The following RAPGEF4 variants were observed in gnomAD, a reference collection of about 807,000 sequenced individuals.
RAPGEF4 encodes RAP guanine-nucleotide-exchange factor (GEF) 4.
A neutral mutation model predicts 147.9 loss-of-function variants in RAPGEF4; 66 were observed. The ratio of observed to expected loss-of-function variants is 0.45; its 90% CI spans 0.37 to 0.55. RAPGEF4 has a LOEUF of 0.55. Ranked by LOEUF, RAPGEF4 falls within the 20% of genes least tolerant of loss-of-function variation. The pLI is 0.00. For synonymous variants in RAPGEF4, 419 were observed against 442.7 expected, an observed-to-expected ratio of 0.95 and a Z score of 0.67; for missense variants, 1,071 against 1,257.3, an observed-to-expected ratio of 0.85 and a Z score of 2.24.
chr2:172,967,173 C>T lies in RAPGEF4; in HGVS notation c.821-88C>T, dbSNP rs149386562. On this transcript the variant is annotated intron_variant, in intron 9 of 30. Transcript: ENST00000397081. ...CCCGGCTTTGCTGCCACTTGGCCCT[C>T]CTGCCTGACACTCTGCATTTGTTTC... 9.2e-4 allele frequency: 1,264 copies of T among 1,366,528 alleles called. 12 individuals carry two copies. The African/African-American group carries it at 0.016, about 18-fold the overall frequency. The allele number at this position is 1,366,528 out of a possible 1,614,324, so 84.7% of individuals were successfully genotyped here. A position where few individuals can be genotyped will look rare whatever the true frequency, so the allele number is the denominator to read the frequency against.
intron 4 of RAPGEF4, among the ~76,000 whole-genome samples, chr2:172,851,468 C>T (rs1175620095): frequency 2.0e-5 from 3 of 151,984 alleles, no homozygotes; most frequent in Non-Finnish European, 4.4e-5. Context: ...GGTCAAGTAT[C>T]GAGCGACTAT....
chr2:172,795,198 C>T (rs765967463), intron 2 of RAPGEF4, 31 bp downstream of exon 2: 59 of 1,564,164 alleles, frequency 3.8e-5, no homozygotes, highest in Middle Eastern at 4.2e-4. Context: ...AGTATATTTC[C>T]ATGTATGGTT....
chr2:173,029,132 T>C (rs776835154), intron 25 of RAPGEF4, among the ~76,000 whole-genome samples: 14 of 152,226 alleles, frequency 9.2e-5, no homozygotes, highest in Non-Finnish European at 1.6e-4. Flanking sequence ...ACCAAAGGCC[T>C]CACTTGCTTT....
At chr2:172,982,268 A>C (rs1465173027) in intron 10 of RAPGEF4, among the ~76,000 whole-genome samples, 1 of 152,242 alleles carries the variant, frequency 6.6e-6, no homozygotes, top group Non-Finnish European at 1.5e-5. Context: ...TTTAATTAGT[A>C]ATAATTACAG....
intron 6 of RAPGEF4, among the ~76,000 whole-genome samples, chr2:172,946,672 A>G (rs1208928233): frequency 6.6e-6 from 1 of 152,190 alleles, no homozygotes; most frequent in Non-Finnish European, 1.5e-5. Context: ...TCCTCTGGGA[A>G]GATTCCTTGA....
chr2:172,769,001 CA>C (rs1262866421), intron 1 of RAPGEF4, among the ~76,000 whole-genome samples: 1 of 152,106 alleles, frequency 6.6e-6, no homozygotes, highest in Non-Finnish European at 1.5e-5. Flanking sequence ...TGGTGTGGGG[CA>C]AGGACGTGGG....
chr2:172,755,958 C>T (rs1428526870), intron 1 of RAPGEF4, among the ~76,000 whole-genome samples: 1 of 152,170 alleles, frequency 6.6e-6, no homozygotes, highest in Non-Finnish European at 1.5e-5. Flanking sequence ...TACCACCATA[C>T]TCAAGATGCT....
chr2:172,838,941 C>A (rs4265981), intron 4 of RAPGEF4, among the ~76,000 whole-genome samples: 1 of 152,084 alleles, frequency 6.6e-6, no homozygotes, highest in African/African-American at 2.4e-5. Flanking sequence ...TAGCTAGTTT[C>A]TAAGTTTGGG....
At chr2:173,046,928 T>C (rs1428514605) in intron 29 of RAPGEF4, among the ~76,000 whole-genome samples, 1 of 151,232 alleles carries the variant, frequency 6.6e-6, no homozygotes, top group African/African-American at 2.4e-5. Context: ...TCATCTATGA[T>C]TTTTTTTTAC....
Position 172,996,544 on chromosome 2 carries a change from T to C in RAPGEF4, c.1569T>C (p.Asn523=). The change falls in exon 16 of 31, where the codon AAT becomes AAC. Residue 523 remains asparagine, a synonymous_variant. Coordinates refer to ENST00000397081, the MANE Select transcript of RAPGEF4 (RefSeq NM_007023.4). The part of the protein sequence containing the change: ...LETIRLEATL[N]EATDSVLNDF... ...CAATACGCCTTGAGGCAACTTTAAA[T>C]GAAGCAACAGGTATACACATAGAAC... 1 of 1,573,292 alleles carries C rather than the reference T, an allele frequency of 6.4e-7. No homozygotes were observed. The highest frequency in any genetic ancestry group is 1.2e-5 in the South Asian group (1 of 83,590).
intron 4 of RAPGEF4, among the ~76,000 whole-genome samples, chr2:172,859,250 G>C (rs1693760171): frequency 6.6e-6 from 1 of 152,120 alleles, no homozygotes; most frequent in South Asian, 2.1e-4. Context: ...AATAAAATGA[G>C]AAAATAAACC....
intron 4 of RAPGEF4, among the ~76,000 whole-genome samples, chr2:172,843,986 G>A (rs898305273): frequency 2.0e-5 from 3 of 152,156 alleles, no homozygotes; most frequent in Non-Finnish European, 4.4e-5. Flanking sequence ...TATTTTTGCC[G>A]TTAAATTGCA....
At chr2:173,017,260 A>G (rs1695590197) in intron 20 of RAPGEF4, 56 bp downstream of exon 20, 1 of 1,562,976 alleles carries the variant, frequency 6.4e-7, no homozygotes, top group Admixed American at 1.7e-5. Flanking sequence ...ACAATTCCCC[A>G]GAAATATTAT....
At chr2:172,963,460 G>A (rs1689506520) in intron 8 of RAPGEF4, among the ~76,000 whole-genome samples, 1 of 152,126 alleles carries the variant, frequency 6.6e-6, no homozygotes, top group Non-Finnish European at 1.5e-5. Flanking sequence ...AGATGTGATT[G>A]TGCTTTGCCA....
intron 4 of RAPGEF4, among the ~76,000 whole-genome samples, chr2:172,897,487 C>T (rs1183227852): frequency 2.0e-5 from 3 of 152,084 alleles, no homozygotes; most frequent in African/African-American, 7.2e-5. Flanking sequence ...CAGCCTTGAC[C>T]TCCCAGGCTC....
At chr2:172,937,381 TG>T (rs562020722) in intron 6 of RAPGEF4, among the ~76,000 whole-genome samples, 103 of 152,296 alleles carry the variant, frequency 6.8e-4, no homozygotes, top group African/African-American at 2.3e-3. Flanking sequence ...TTCCTTGTTT[TG>T]GATGACTGAC....
intron 29 of RAPGEF4, among the ~76,000 whole-genome samples, chr2:173,038,706 C>T (rs1684364761): frequency 6.6e-6 from 1 of 152,028 alleles, no homozygotes; most frequent in Non-Finnish European, 1.5e-5. Flanking sequence ...ACCTACGTAA[C>T]AAACCTGCAC....
chr2:172,855,188 G>T (rs1214691635), intron 4 of RAPGEF4, among the ~76,000 whole-genome samples: 1 of 152,036 alleles, frequency 6.6e-6, no homozygotes, highest in Admixed American at 6.6e-5. Flanking sequence ...TTTTCCATTG[G>T]CTTTTCAATT....
At chr2:172,998,675 T>C (rs1693604051) in intron 16 of RAPGEF4, among the ~76,000 whole-genome samples, 1 of 152,216 alleles carries the variant, frequency 6.6e-6, no homozygotes, top group South Asian at 2.1e-4. Context: ...AGAGAAACTG[T>C]TGAAGAACCG....
Sources: gnomAD v4.1 joint callset for allele counts (sites outside exome capture counted in the v4.1 genomes callset) on GRCh38, gnomAD v4.1.1 for gene constraint, MANE v1.5 for transcripts, NCBI Gene and HGNC (gene_info 2026-07-23, HGNC 2026-07-21) for gene names.